Variants in DOP1B observed in about 807,000 individuals in gnomAD.
DOP1B encodes protein DOP1B.
Under a neutral mutation model 233.5 loss-of-function variants are expected in DOP1B, and 174 were observed. The ratio of observed to expected loss-of-function variants is 0.75; its 90% confidence interval spans 0.66 to 0.85. DOP1B has a LOEUF of 0.85. Ranked by LOEUF, DOP1B falls within the 40% of genes least tolerant of loss-of-function variation. The pLI is 0.00. For missense variants in DOP1B, 2,652 were observed against 2,846.6 expected (o/e 0.93, Z 1.56); for synonymous variants, 1,190 against 1,185.6 (o/e 1.00, Z -0.08).
At chr21:36,269,956 A>G in intron 26 of DOP1B, 57 bp from the exon 27 acceptor site, 1 of 1,585,054 alleles carries the variant, frequency 6.3e-7, no homozygotes, top group Non-Finnish European at 8.6e-7. Context: ...TGTTTTAGGC[A>G]CTTAACATTC....
chr21:36,159,085 T>C (rs2065846729), intron 1 of DOP1B, among the ~76,000 whole-genome samples: 1 of 151,444 alleles, frequency 6.6e-6, no homozygotes. Flanking sequence ...TGAGCCAAGA[T>C]CACACCATTT....
chr21:36,214,389 G>T lies in DOP1B; in HGVS notation c.1015-53G>T, dbSNP rs1438193918. ...AACAATTAGAATAGCCAGTAATGTT[G>T]TTACACTTTATGATATACGATATTC... On this transcript the variant is annotated intron_variant, in intron 8 of 36. Transcript: ENST00000691173. 17 of 1,543,298 alleles carry T rather than the reference G, an allele frequency of 1.1e-5. No homozygotes were observed. The Admixed American group carries it at 2.8e-4, about 26-fold the overall frequency.
intron 2 of DOP1B, among the ~76,000 whole-genome samples, chr21:36,166,888 A>T (rs1432170809): frequency 1.3e-5 from 2 of 152,156 alleles, no homozygotes; most frequent in Non-Finnish European, 2.9e-5. Context: ...TGCAAGGTAT[A>T]TTTACGACCT....
intron 26 of DOP1B, among the ~76,000 whole-genome samples, chr21:36,267,185 C>T (rs2067239799): frequency 6.6e-6 from 1 of 152,232 alleles, no homozygotes; most frequent in Admixed American, 6.5e-5. Flanking sequence ...GTTTCTGTCT[C>T]TCCAGCTACT....
At chr21:36,176,652 G>A (rs2066035397) in intron 2 of DOP1B, among the ~76,000 whole-genome samples, 1 of 152,148 alleles carries the variant, frequency 6.6e-6, no homozygotes, top group Admixed American at 6.6e-5. Context: ...CAAATGGAAA[G>A]GATGCTGTTG....
chr21:36,174,520 G>A (rs1181651862), intron 2 of DOP1B, among the ~76,000 whole-genome samples: 1 of 152,094 alleles, frequency 6.6e-6, no homozygotes, highest in Non-Finnish European at 1.5e-5. Flanking sequence ...ACTTGGGTGA[G>A]TCCAACAGAA....
chr21:36,184,374 G>A (rs1303596634), intron 2 of DOP1B, among the ~76,000 whole-genome samples: 1 of 152,120 alleles, frequency 6.6e-6, no homozygotes, highest in Non-Finnish European at 1.5e-5. Context: ...TAGTAGAGGC[G>A]GGTTTCGCTA....
At chr21:36,247,490 A>G (rs371775771) in intron 19 of DOP1B, 27 bp from the exon 20 acceptor site, 127 of 1,541,728 alleles carry the variant, frequency 8.2e-5, no homozygotes, top group Non-Finnish European at 1.1e-4. Context: ...AAAATTCTCA[A>G]ACCAGTTTCT....
chr21:36,238,567 C>T, intron 16 of DOP1B, 34 bp from the exon 17 acceptor site: 1 of 1,601,712 alleles, frequency 6.2e-7, no homozygotes, highest in Non-Finnish European at 8.6e-7. Flanking sequence ...GTTACAAAAC[C>T]AAGTTCCTCA....
intron 13 of DOP1B, among the ~76,000 whole-genome samples, chr21:36,229,660 C>CG (rs1185788968): frequency 7.2e-6 from 1 of 139,660 alleles, no homozygotes; most frequent in Non-Finnish European, 1.5e-5. Flanking sequence ...ACTTGCTTTA[C>CG]CTTTTTTTTT....
chr21:36,181,081 G>T lies in DOP1B; in HGVS notation c.138+16210G>T, dbSNP rs560689953. On this transcript the variant is annotated intron_variant, in intron 2 of 36. Coordinates refer to ENST00000691173, the MANE Select transcript of DOP1B (RefSeq NM_001320714.2). ...TCTAATATTTTGCTAGCATTTCCTG[G>T]AACAGTGTTGAATAGCAATGTTGCT... is the stretch of plus-strand genomic sequence containing the variant. 2.6e-5 allele frequency among the ~76,000 whole-genome samples: 4 copies of T among 152,178 alleles called. No homozygotes were observed. The South Asian group carries it at 8.3e-4, about 32-fold the overall frequency.
chr21:36,171,671 A>G (rs1260262491), intron 2 of DOP1B, among the ~76,000 whole-genome samples: 1 of 152,190 alleles, frequency 6.6e-6, no homozygotes, highest in Non-Finnish European at 1.5e-5. Context: ...CACGGGACAG[A>G]TTGTCTATGC....
chr21:36,206,544 A>T (rs2066427524), intron 4 of DOP1B, among the ~76,000 whole-genome samples: 1 of 151,996 alleles, frequency 6.6e-6, no homozygotes, highest in Non-Finnish European at 1.5e-5. Context: ...AAAAAAAAAA[A>T]ATTATTTCTT....
chr21:36,211,418 C>T, intron 5 of DOP1B, 135 bp from the exon 6 acceptor site: 1 of 759,992 alleles, frequency 1.3e-6, no homozygotes, highest in Non-Finnish European at 2.2e-6. Context: ...AACCCACACC[C>T]TCCTGACCTG....
chr21:36,175,513 C>T (rs114894198), intron 2 of DOP1B, among the ~76,000 whole-genome samples: 1,871 of 151,754 alleles, frequency 0.012, 40 homozygotes, highest in African/African-American at 0.043. Flanking sequence ...TGTCTCCGGC[C>T]GGGTATGGTG....
intron 2 of DOP1B, among the ~76,000 whole-genome samples, chr21:36,197,442 A>G (rs2123465276): frequency 6.6e-6 from 1 of 152,164 alleles, no homozygotes; most frequent in African/African-American, 2.4e-5. Flanking sequence ...CACGATTCTG[A>G]TGTGGATGGA....
chr21:36,289,424 G>GGT (rs59907412), intron 35 of DOP1B, among the ~76,000 whole-genome samples: 5,088 of 144,376 alleles, frequency 0.035, 85 homozygotes, highest in East Asian at 0.075. Context: ...GTGTTTCTAT[G>GGT]GTGTGTGTGT....
chr21:36,232,739 C>T, intron 14 of DOP1B, 65 bp from the exon 15 acceptor site: 1 of 1,594,566 alleles, frequency 6.3e-7, no homozygotes, highest in Non-Finnish European at 8.5e-7. Context: ...GTAGAATCTG[C>T]AGACTGGGGA....
intron 30 of DOP1B, among the ~76,000 whole-genome samples, chr21:36,279,996 C>T (rs950561263): frequency 6.6e-6 from 1 of 152,168 alleles, no homozygotes; most frequent in African/African-American, 2.4e-5. Context: ...CTGCCTCAGC[C>T]TCCTGAGTAG....
Sources: gnomAD v4.1 joint callset for allele counts (sites outside exome capture counted in the v4.1 genomes callset) on GRCh38, gnomAD v4.1.1 for gene constraint, MANE v1.5 for transcripts, NCBI Gene and HGNC (gene_info 2026-07-23, HGNC 2026-07-21) for gene names.